Variants in FYB1 observed in about 807,000 individuals in gnomAD.
The protein encoded by FYB1 is FYN-binding protein 1.
In FYB1, 41 loss-of-function variants were observed where a neutral mutation model predicts 94.1. The ratio of observed to expected loss-of-function variants is 0.44; its 90% CI spans 0.34 to 0.57. The LOEUF is 0.57. Among genes scored for constraint, FYB1 ranks in the 20% least tolerant of loss-of-function variants. FYB1 has a pLI of 0.02. For missense variants in FYB1, 1,050 were observed against 976.8 expected (o/e 1.07, Z -1.00); for synonymous variants, 367 against 353.2 (o/e 1.04, Z -0.44).
chr5:39,166,578 T>G (rs918349197), intron 2 of FYB1, among the ~76,000 whole-genome samples: 18 of 152,204 alleles, frequency 1.2e-4, no homozygotes, highest in Middle Eastern at 3.4e-3. Flanking sequence ...ATAAAATGGA[T>G]GACACTGATA....
In FYB1 at chr5:39,119,623, T is replaced by A; in HGVS notation, c.2150A>T (p.Asn717Ile). ...TTCTTCTGTCTTAGCTTTTCCAACA[T>A]TAGTTCCTTGACTAGAACGGCAGAA... ...VSSAEMSQGT[N>I]VGKAKTEEKD... is the part of the protein sequence containing the mutation. Residue 717 changes from asparagine to isoleucine, a missense_variant, in exon 15 of 19, where the codon AAT becomes ATT. By Grantham distance (149) the Asn-to-Ile change is moderately radical. Coordinates refer to ENST00000512982, the MANE Select transcript of FYB1 (RefSeq NM_001465.6). 6.5e-7 allele frequency: 1 copy of A among 1,534,340 alleles called. No homozygotes were observed. The highest frequency in any genetic ancestry group is 2.4e-5 in the East Asian group (1 of 41,866).
At chr5:39,130,085 A>G (rs1741055065) in intron 10 of FYB1, among the ~76,000 whole-genome samples, 4 of 152,098 alleles carry the variant, frequency 2.6e-5, no homozygotes, top group Admixed American at 2.6e-4. Context: ...AAAAAAAAGA[A>G]TGAAATCATG....
intron 1 of FYB1, among the ~76,000 whole-genome samples, chr5:39,203,975 A>C (rs1342771246): frequency 6.6e-6 from 1 of 152,064 alleles, no homozygotes; most frequent in Non-Finnish European, 1.5e-5. Context: ...AATATTTCAA[A>C]ATTGGAGGCT....
At chr5:39,133,727 G>T (rs1277561888) in intron 9 of FYB1, among the ~76,000 whole-genome samples, 4 of 151,714 alleles carry the variant, frequency 2.6e-5, no homozygotes, top group Non-Finnish European at 5.9e-5. Context: ...TGATACCTAG[G>T]GATCATAAAA....
chr5:39,117,543 C>T (rs913237811), intron 16 of FYB1, among the ~76,000 whole-genome samples: 4 of 152,154 alleles, frequency 2.6e-5, no homozygotes, highest in Admixed American at 2.6e-4. Flanking sequence ...TACACTGCCA[C>T]TGCCCTTTAT....
At chr5:39,130,747 A>G (rs910489358) in intron 9 of FYB1, 135 bp from the exon 10 acceptor site, 78 of 668,756 alleles carry the variant, frequency 1.2e-4, no homozygotes, top group Non-Finnish European at 1.8e-4. Context: ...CTATATGTAA[A>G]GAGGAAAAAA....
intron 1 of FYB1, among the ~76,000 whole-genome samples, chr5:39,246,641 T>G (rs1297777396): frequency 6.6e-6 from 1 of 152,170 alleles, no homozygotes; most frequent in East Asian, 1.9e-4. Context: ...GTGACTTTTA[T>G]AGTGGAAGAG....
chr5:39,262,827 A>G (rs1472132366), intron 1 of FYB1, among the ~76,000 whole-genome samples: 3 of 152,176 alleles, frequency 2.0e-5, no homozygotes, highest in African/African-American at 4.8e-5. Context: ...TCTGGGCAAA[A>G]CAATACTATA....
chr5:39,140,319 C>CA (rs1376531159), intron 4 of FYB1, among the ~76,000 whole-genome samples: 2 of 151,914 alleles, frequency 1.3e-5, no homozygotes, highest in Admixed American at 1.3e-4. Context: ...AAAAAATGGT[C>CA]AAAAGGTAGA....
intron 1 of FYB1, among the ~76,000 whole-genome samples, chr5:39,205,513 G>A (rs188217277): frequency 3.3e-5 from 5 of 152,138 alleles, no homozygotes; most frequent in African/African-American, 4.8e-5. Context: ...TCGCTGCATC[G>A]GTGAGGAAAT....
upstream of FYB1, among the ~76,000 whole-genome samples, chr5:39,224,535 T>G (rs1368596820): frequency 6.6e-6 from 1 of 152,182 alleles, no homozygotes; most frequent in Non-Finnish European, 1.5e-5. Context: ...AATCACATCC[T>G]GATCACAGTT....
At chr5:39,120,341 C>CT (rs1561133104) in intron 14 of FYB1, among the ~76,000 whole-genome samples, 3 of 151,742 alleles carry the variant, frequency 2.0e-5, no homozygotes, top group South Asian at 2.1e-4. Flanking sequence ...AATGGACTTA[C>CT]TTTTTTTAAA....
chr5:39,182,123 G>A (rs1172998087), intron 2 of FYB1, among the ~76,000 whole-genome samples: 1 of 152,000 alleles, frequency 6.6e-6, no homozygotes, highest in African/African-American at 2.4e-5. Flanking sequence ...TGACATATAA[G>A]GTTCGGTTCC....
At chr5:39,251,305 A>G (rs1165693147) in intron 1 of FYB1, among the ~76,000 whole-genome samples, 1 of 152,222 alleles carries the variant, frequency 6.6e-6, no homozygotes, top group Non-Finnish European at 1.5e-5. Flanking sequence ...TAAATACCCT[A>G]TAGACCACAC....
chr5:39,182,950 C>T (rs1010361267), intron 2 of FYB1, among the ~76,000 whole-genome samples: 1 of 152,200 alleles, frequency 6.6e-6, no homozygotes, highest in African/African-American at 2.4e-5. Context: ...AGACAGGTCT[C>T]ATTCTAAGCA....
chr5:39,186,592 G>A (rs1241270225), intron 2 of FYB1, among the ~76,000 whole-genome samples: 1 of 133,972 alleles, frequency 7.5e-6, no homozygotes, highest in Non-Finnish European at 1.6e-5. Context: ...TTTATGTTAT[G>A]TTTAAGCAAA....
At chr5:39,124,513 T>C (rs945224768) in intron 12 of FYB1, among the ~76,000 whole-genome samples, 6 of 151,994 alleles carry the variant, frequency 3.9e-5, no homozygotes, top group African/African-American at 9.7e-5. Flanking sequence ...ATGTCCAGAG[T>C]CAAGATACTC....
At chr5:39,222,108 C>T (rs1235800417), upstream of FYB1, among the ~76,000 whole-genome samples, 1 of 152,094 alleles carries the variant, frequency 6.6e-6, no homozygotes, top group African/African-American at 2.4e-5. Flanking sequence ...ATGTACTGCC[C>T]CCTCTCCTTT....
chr5:39,232,621 G>A (rs1205280438), intron 1 of FYB1, among the ~76,000 whole-genome samples: 1 of 150,986 alleles, frequency 6.6e-6, no homozygotes, highest in Non-Finnish European at 1.5e-5. Context: ...CATTGTGCAG[G>A]TTAGTTACAT....
Sources: gnomAD v4.1 joint callset for allele counts (sites outside exome capture counted in the v4.1 genomes callset) on GRCh38, gnomAD v4.1.1 for gene constraint, MANE v1.5 for transcripts, NCBI Gene and HGNC (gene_info 2026-07-23, HGNC 2026-07-21) for gene names.